The following LSS variants were observed in gnomAD, a reference collection of about 807,000 sequenced individuals.
The protein encoded by LSS is 2,3-epoxysqualene-lanosterol cyclase.
Under a neutral mutation model 110.3 loss-of-function variants are expected in LSS, and 90 were observed. The ratio of observed to expected loss-of-function variants is 0.82; its 90% CI spans 0.69 to 0.97. The LOEUF is 0.97. LSS is among the 50% of genes least tolerant of loss of function. The probability of loss-of-function intolerance (pLI) is 0.00; values close to 1 mark genes in which losing one functional copy is unlikely to be tolerated. For synonymous variants in LSS, 433 were observed against 400.0 expected (o/e 1.08, Z -0.98); for missense variants, 927 against 990.0 (o/e 0.94, Z 0.85).
chr21:46,222,754 G>A lies in LSS; in HGVS notation c.320-16C>T, dbSNP rs775032367. The A allele has an allele frequency of 1.2e-6, 2 of 1,600,332 alleles. No individual in the cohort carries two copies. Among genetic ancestry groups the A allele is most frequent in the East Asian group, 2.2e-5 (1 of 44,816 alleles). On this transcript the variant is annotated splice_polypyrimidine_tract_variant and intron_variant, in intron 3 of 21. Coordinates refer to ENST00000397728, the MANE Select transcript of LSS (RefSeq NM_002340.6). ...ATCAGGAGGCCTGTGTGGCAGGAGAGATGTTCCTCACTGGGGACAGGTGGT... is the reference window on the plus strand; with the variant it reads ...ATCAGGAGGCCTGTGTGGCAGGAGAAATGTTCCTCACTGGGGACAGGTGGT...
At chr21:46,213,631 G>T in intron 10 of LSS, 107 bp downstream of exon 10, 1 of 817,336 alleles carries the variant, frequency 1.2e-6, no homozygotes, top group South Asian at 1.5e-5. Flanking sequence ...GGTATTCCCT[G>T]GCAGTATTCC....
chr21:46,228,550 G>A lies in LSS; in HGVS notation c.64C>T (p.Leu22Phe), dbSNP rs1303225218. The A allele has an allele frequency of 6.9e-6, 11 of 1,596,898 alleles. No individual in the cohort carries two copies. The highest frequency in any genetic ancestry group is 1.1e-5 in the South Asian group (1 of 90,622). The change falls in exon 2 of 22, where the codon CTC (leucine) becomes TTC (phenylalanine). Residue 22 changes from leucine to phenylalanine, a missense_variant. Coordinates refer to ENST00000397728, the MANE Select transcript of LSS (RefSeq NM_002340.6). ...TCGCAGTTGAGTCGCCAGCGGCCGA[G>A]GTCGGTGGCGGGCTCGGTCTTGTAG... ...GPYKTEPATD[L>F]GRWRLNCERG...
chr21:46,205,270 G>A (rs943159516), intron 17 of LSS, among the ~76,000 whole-genome samples: 3 of 148,466 alleles, frequency 2.0e-5, no homozygotes, highest in Non-Finnish European at 4.5e-5. Context: ...GCTGTTACCC[G>A]AGCCACCTGA....
intron 19 of LSS, among the ~76,000 whole-genome samples, chr21:46,194,910 G>A (rs1345956374): frequency 2.0e-5 from 3 of 152,258 alleles, no homozygotes; most frequent in South Asian, 2.1e-4. Flanking sequence ...ATGGCCTCAC[G>A]GACGCGTCAG....
chr21:46,192,749 T>C (rs1217203512), intron 20 of LSS: 1 of 453,626 alleles, frequency 2.2e-6, no homozygotes, highest in African/African-American at 2.0e-5. Context: ...CGGGTGCATC[T>C]GCATGTGTGT....
rs1189685401 is a variant in LSS, at chr21:46,188,759, TCCTG to T, written c.*2341_*2344del. 2 of 471,248 alleles carry T rather than the reference TCCTG, an allele frequency of 4.2e-6. No homozygotes were observed. Among genetic ancestry groups the T allele is most frequent in the Non-Finnish European group, 8.8e-6 (2 of 227,088 alleles). The allele number at this position is 471,248 out of a possible 1,614,324, so 29.2% of individuals were successfully genotyped here. On this transcript the variant is annotated 3_prime_UTR_variant, in exon 22 of 22. Coordinates refer to ENST00000397728, the MANE Select transcript of LSS (RefSeq NM_002340.6). Reference sequence around the variant, plus strand: ...GAAGGCAGGGATACTGACACTGAAGTCCTGCCTGTGTAATAACACCGAAGAGGGC... The same window carrying T: ...GAAGGCAGGGATACTGACACTGAAGTCCTGTGTAATAACACCGAAGAGGGC...
intron 11 of LSS, among the ~76,000 whole-genome samples, chr21:46,212,049 T>TGGGCAGGGAG (rs146621202): frequency 6.8e-6 from 1 of 146,378 alleles, no homozygotes; most frequent in East Asian, 2.2e-4. Flanking sequence ...GAGGGAGCGC[T>TGGGCAGGGAG]GGGCAGGGAG....
Position 46,207,445 on chromosome 21 carries a change from A to C in LSS, c.1450T>G (p.Cys484Gly). 1 of 1,612,570 alleles carries C rather than the reference A, an allele frequency of 6.2e-7. No individual in the cohort carries two copies. Residue 484 changes from cysteine to glycine, a missense_variant, in exon 15 of 22, where the codon TGC (cysteine) becomes GGC (glycine). Coordinates refer to ENST00000397728, the MANE Select transcript of LSS (RefSeq NM_002340.6). Reference sequence around the variant, plus strand: ...AGCCTTACCACAGCCACAGCATCGCAGAGCCGTTCTCTGGGGATGTGCTCG... The same window carrying C: ...AGCCTTACCACAGCCACAGCATCGCCGAGCCGTTCTCTGGGGATGTGCTCG... ...VTEHIPRERL[C>G]DAVAVLLNMR...
chr21:46,213,096 G>A, intron 10 of LSS, 44 bp from the exon 11 acceptor site: 2 of 1,600,346 alleles, frequency 1.2e-6, no homozygotes, highest in Non-Finnish European at 1.7e-6. Context: ...GGAGAAAGCT[G>A]GAAGCCCAGC....
chr21:46,210,219 C>A (rs1182062131), intron 12 of LSS, among the ~76,000 whole-genome samples: 1 of 152,050 alleles, frequency 6.6e-6, no homozygotes, highest in Non-Finnish European at 1.5e-5. Context: ...GTGCCCGCCA[C>A]CACGCTTGGC....
intron 3 of LSS, chr21:46,224,692 AGG>A (rs2080315956): frequency 6.6e-6 from 1 of 152,304 alleles, no homozygotes; most frequent in Non-Finnish European, 1.5e-5. Context: ...TGGGGCTAGG[AGG>A]TCAGACCCGA....
chr21:46,204,497 T>G (rs2080020877), intron 17 of LSS, among the ~76,000 whole-genome samples: 1 of 151,538 alleles, frequency 6.6e-6, no homozygotes, highest in African/African-American at 2.4e-5. Flanking sequence ...TGAATCAGTG[T>G]AAAGCTGAGT....
At chr21:46,223,626 C>T (rs1365771521) in intron 3 of LSS, among the ~76,000 whole-genome samples, 1 of 152,130 alleles carries the variant, frequency 6.6e-6, no homozygotes, top group Non-Finnish European at 1.5e-5. Flanking sequence ...ATATGAATAT[C>T]ATTAATCATT....
At chr21:46,222,038 A>C in intron 4 of LSS, 63 bp from the exon 5 acceptor site, 1 of 1,587,896 alleles carries the variant, frequency 6.3e-7, no homozygotes, top group South Asian at 1.1e-5. Flanking sequence ...AATAAAGCAA[A>C]ACTTTCTGTG....
In LSS at chr21:46,204,408, G is replaced by C. The variant is rs1433858909; in HGVS notation, c.1670+1428C>G. Among the ~76,000 whole-genome samples the C allele has an allele frequency of 2.7e-5, 4 of 150,730 alleles. No homozygotes were observed. In the South Asian group the frequency reaches 6.3e-4, roughly 24 times the overall value. On this transcript the variant is annotated intron_variant, in intron 17 of 21. Coordinates refer to ENST00000397728, the MANE Select transcript of LSS (RefSeq NM_002340.6). The stretch of plus-strand genomic sequence containing the variant: ...AGATTTTTTTTTTTTCAAAAGATCA[G>C]TATAAGATTCTCAGAAGGAAGAGGA...
At position 46,191,958 on chromosome 21, in the gene LSS, G is replaced by A. The variant is rs2079822441; in HGVS notation, c.1990C>T (p.His664Tyr). ...WAMMGLMAVR[H>Y]PDIEAQERGV... Reference sequence around the variant, plus strand: ...CTCTCCTGGGCCTCGATGTCAGGATGCCTGGTGGAAGAGAAGGCTGAAACA... The same window carrying A: ...CTCTCCTGGGCCTCGATGTCAGGATACCTGGTGGAAGAGAAGGCTGAAACA... The change falls in exon 21 of 22, where the codon CAT becomes TAT. Residue 664 changes from histidine to tyrosine, a missense_variant and splice_region_variant. Physicochemically the swap from His to Tyr is moderately conservative, Grantham distance 83. Coordinates refer to ENST00000397728, the MANE Select transcript of LSS (RefSeq NM_002340.6). The A allele has an allele frequency of 1.9e-6, 3 of 1,612,238 alleles. No homozygotes were observed. The highest frequency in any genetic ancestry group is 1.7e-5 in the Admixed American group (1 of 59,918).
chr21:46,197,599 G>A (rs1386910421), intron 17 of LSS, among the ~76,000 whole-genome samples: 2 of 152,172 alleles, frequency 1.3e-5, no homozygotes, highest in Non-Finnish European at 2.9e-5. Context: ...TTAAAACTGA[G>A]AAACTGCTGC....
intron 17 of LSS, 67 bp downstream of exon 17, chr21:46,205,769 A>G (rs1601425629): frequency 7.9e-7 from 1 of 1,262,342 alleles, no homozygotes; most frequent in East Asian, 2.5e-5. Context: ...GTGTCACAGA[A>G]TGATGCGTCT....
chr21:46,207,678 G>T, intron 14 of LSS, 101 bp from the exon 15 acceptor site: 1 of 1,359,418 alleles, frequency 7.4e-7, no homozygotes, highest in Non-Finnish European at 1.0e-6. Flanking sequence ...CAGAGCACCC[G>T]GTCAGGGCAG....
Sources: gnomAD v4.1 joint callset for allele counts (sites outside exome capture counted in the v4.1 genomes callset) on GRCh38, gnomAD v4.1.1 for gene constraint, MANE v1.5 for transcripts, NCBI Gene and HGNC (gene_info 2026-07-23, HGNC 2026-07-21) for gene names.